Variants in KDM1A observed in about 807,000 individuals in gnomAD.
KDM1A encodes lysine-specific histone demethylase 1A.
KDM1A carries 49 observed loss-of-function variants against 109.4 expected under a neutral mutation model. The ratio of observed to expected loss-of-function variants is 0.45; its 90% confidence interval spans 0.36 to 0.57. The LOEUF is 0.57. Among genes scored for constraint, KDM1A ranks in the 20% least tolerant of loss-of-function variants. The pLI is 0.00. For synonymous variants in KDM1A, 380 were observed against 415.4 expected (o/e 0.91, Z 1.04); for missense variants, 668 against 1,116.6 (o/e 0.60, Z 5.73).
chr1:23,074,358 T>C (rs1643403530), intron 15 of KDM1A, among the ~76,000 whole-genome samples: 1 of 152,238 alleles, frequency 6.6e-6, no homozygotes, highest in Non-Finnish European at 1.5e-5. Flanking sequence ...TTTGTCAGAT[T>C]TATGTTTTAC....
intron 15 of KDM1A, among the ~76,000 whole-genome samples, chr1:23,074,532 G>T (rs1304713358): frequency 6.6e-6 from 1 of 151,828 alleles, no homozygotes; most frequent in Non-Finnish European, 1.5e-5. Flanking sequence ...TTACCTCCTG[G>T]GCTCAAGTGA....
intron 12 of KDM1A, among the ~76,000 whole-genome samples, chr1:23,070,306 A>G (rs1643280114): frequency 6.6e-6 from 1 of 152,050 alleles, no homozygotes; most frequent in African/African-American, 2.4e-5. Flanking sequence ...CCCCTTCTCT[A>G]CTAAAATACA....
At chr1:23,072,257 T>C in intron 14 of KDM1A, 60 bp downstream of exon 14, 2 of 1,229,636 alleles carry the variant, frequency 1.6e-6, no homozygotes, top group Non-Finnish European at 2.4e-6. Context: ...TCAGCTTGAT[T>C]TGGAAGGAAA....
At chr1:23,042,698 C>T (rs530526404) in intron 2 of KDM1A, among the ~76,000 whole-genome samples, 1,953 of 151,034 alleles carry the variant, frequency 0.013, 52 homozygotes, top group African/African-American at 0.044. Flanking sequence ...GTGATCCGCC[C>T]GCCTCGGCCT....
intron 2 of KDM1A, among the ~76,000 whole-genome samples, chr1:23,042,609 C>T (rs1642380990): frequency 6.7e-6 from 1 of 150,282 alleles, no homozygotes. Flanking sequence ...CCCGCCACTA[C>T]TCCCGGCTAA....
In KDM1A at chr1:23,069,046, T is replaced by G. The variant is rs531916358; in HGVS notation, c.1323-15T>G. ...GTTGGCTTTGAGAGCAGATTATACA[T>G]ATTGTCTCTCTTAGGTTACAAGAGA... On this transcript the variant is annotated splice_polypyrimidine_tract_variant and intron_variant, in intron 11 of 20. Coordinates refer to ENST00000400181, the MANE Select transcript of KDM1A (RefSeq NM_001009999.3). 6.3e-7 allele frequency: 1 copy of G among 1,577,654 alleles called. No homozygotes were observed. Among genetic ancestry groups the G allele is most frequent in the Admixed American group, 1.8e-5 (1 of 56,186 alleles).
chr1:23,043,841 C>T (rs1642426020), intron 2 of KDM1A, among the ~76,000 whole-genome samples: 1 of 152,240 alleles, frequency 6.6e-6, no homozygotes, highest in South Asian at 2.1e-4. Flanking sequence ...TTGGCACACA[C>T]ACACACACAG....
At chr1:23,049,010 G>T (rs541933541) in intron 3 of KDM1A, among the ~76,000 whole-genome samples, 1 of 151,932 alleles carries the variant, frequency 6.6e-6, no homozygotes, top group East Asian at 1.9e-4. Flanking sequence ...ACATTAGCCA[G>T]GCATGGTGGT....
chr1:23,044,184 A>T, intron 2 of KDM1A: 1 of 425,262 alleles, frequency 2.4e-6, no homozygotes, highest in South Asian at 2.2e-5. Context: ...GATTAGAAAT[A>T]CTATGTACTT....
chr1:23,021,874 C>G (rs187179924), intron 1 of KDM1A, among the ~76,000 whole-genome samples: 1 of 152,328 alleles, frequency 6.6e-6, no homozygotes, highest in Admixed American at 6.5e-5. Context: ...CTGGCAACCA[C>G]TAATCTACTC....
At chr1:23,075,609 T>C (rs1643442104) in intron 15 of KDM1A, among the ~76,000 whole-genome samples, 2 of 151,610 alleles carry the variant, frequency 1.3e-5, no homozygotes, top group Admixed American at 1.3e-4. Context: ...TTATTAAATT[T>C]TTATTTATAT....
intron 15 of KDM1A, among the ~76,000 whole-genome samples, chr1:23,076,178 A>G (rs990362149): frequency 1.3e-5 from 2 of 152,218 alleles, no homozygotes; most frequent in African/African-American, 2.4e-5. Flanking sequence ...CAGCTGAAGT[A>G]GAGTGTTGCT....
intron 1 of KDM1A, among the ~76,000 whole-genome samples, chr1:23,028,543 A>T (rs995854847): frequency 2.8e-4 from 42 of 152,220 alleles, no homozygotes; most frequent in Non-Finnish European, 2.9e-5. Flanking sequence ...CATATTAGGT[A>T]CTTAAGTCAT....
At chr1:23,081,110 T>G in intron 18 of KDM1A, 2 of 240,220 alleles carry the variant, frequency 8.3e-6, no homozygotes, top group Non-Finnish European at 1.6e-5. Flanking sequence ...AGGTTAAGAA[T>G]TCTGTGCCAA....
At chr1:23,043,742 C>G (rs1049871260) in intron 2 of KDM1A, among the ~76,000 whole-genome samples, 21 of 152,160 alleles carry the variant, frequency 1.4e-4, no homozygotes, top group African/African-American at 5.1e-4. Flanking sequence ...AATTTCTTAA[C>G]AAAGCTTATT....
At position 23,036,496 on chromosome 1, in the gene KDM1A, C is replaced by T. The variant is rs1341094929; in HGVS notation, c.517+5862C>T. Among the ~76,000 whole-genome samples the T allele has an allele frequency of 1.5e-4, 19 of 125,220 alleles. No individual in the cohort carries two copies. The East Asian group carries it at 2.9e-3, about 19-fold the overall frequency. The allele number at this position is 125,220 out of a possible 152,430, so 82.1% of individuals were successfully genotyped here. A position where few individuals can be genotyped will look rare whatever the true frequency, so the allele number is the denominator to read the frequency against. ...ACTCCAGCCTTTTTGGAACACATTT[C>T]GGTGTTCTGATTTGGACCTATGCTC... On this transcript the variant is annotated intron_variant, in intron 2 of 20. Transcript: ENST00000400181.
chr1:23,076,699 TG>T (rs1281925422), intron 15 of KDM1A, among the ~76,000 whole-genome samples: 2 of 152,126 alleles, frequency 1.3e-5, no homozygotes, highest in African/African-American at 2.4e-5. Context: ...AGGCCGAGCG[TG>T]GTGGCTCATG....
chr1:23,038,037 G>A lies in KDM1A; in HGVS notation c.518-6390G>A, dbSNP rs150475195. ...TTATGAGAATCAAATGAGAAAATGC[G>A]AAACCCACCTTTATGTATAAACATC... is the stretch of plus-strand genomic sequence containing the variant. On this transcript the variant is annotated intron_variant, in intron 2 of 20. Transcript: ENST00000400181. Among the ~76,000 whole-genome samples the A allele has an allele frequency of 1.5e-3, 225 of 152,256 alleles. 1 individual carries two copies. The highest frequency in any genetic ancestry group is 4.0e-3 in the African/African-American group (166 of 41,544).
At chr1:23,043,165 T>C (rs1322483345) in intron 2 of KDM1A, among the ~76,000 whole-genome samples, 1 of 152,234 alleles carries the variant, frequency 6.6e-6, no homozygotes, top group Non-Finnish European at 1.5e-5. Context: ...AGTTTGCAGA[T>C]TGGATTTAGT....
Sources: gnomAD v4.1 joint callset for allele counts (sites outside exome capture counted in the v4.1 genomes callset) on GRCh38, gnomAD v4.1.1 for gene constraint, MANE v1.5 for transcripts, NCBI Gene and HGNC (gene_info 2026-07-23, HGNC 2026-07-21) for gene names.